GPHN: variants seen among roughly 807,000 people sequenced by gnomAD.
The protein encoded by GPHN is gephyrin.
Under a neutral mutation model 95.5 loss-of-function variants are expected in GPHN, and 17 were observed. The observed-to-expected ratio is 0.18, with a 90% CI of 0.12 to 0.27. GPHN has a LOEUF of 0.27. Ranked by LOEUF, GPHN falls within the 10% of genes least tolerant of loss-of-function variation. GPHN has a pLI of 1.00. For missense variants in GPHN, 660 were observed against 978.1 expected, an observed-to-expected ratio of 0.67 and a Z score of 4.34; for synonymous variants, 320 against 322.5, an observed-to-expected ratio of 0.99 and a Z score of 0.08.
chr14:67,238,276 T>C, the GPHN span, among the ~76,000 whole-genome samples: 3 of 150,628 alleles, frequency 2.0e-5, no homozygotes, highest in African/African-American at 7.3e-5. Context: ...TTTCTTTTTT[T>C]TTTTTTTTTT....
chr14:67,661,733 T>C, the GPHN span, among the ~76,000 whole-genome samples: 1 of 151,936 alleles, frequency 6.6e-6, no homozygotes, highest in Non-Finnish European at 1.5e-5. Flanking sequence ...GGGGTCTCCC[T>C]ATGTCGCCCA....
chr14:67,413,321 C>T, the GPHN span, among the ~76,000 whole-genome samples: 4 of 151,926 alleles, frequency 2.6e-5, no homozygotes, highest in African/African-American at 4.8e-5. Context: ...AGACTGGTCT[C>T]GAACTCCTGG....
chr14:67,152,694 C>T (rs1366828764), intron 18 of GPHN, among the ~76,000 whole-genome samples: 10 of 152,266 alleles, frequency 6.6e-5, no homozygotes, highest in Middle Eastern at 3.4e-3. Flanking sequence ...TGGCGGGGCG[C>T]GGTGGCTCAC....
At chr14:67,208,980 A>G in the GPHN span, among the ~76,000 whole-genome samples, 2 of 152,154 alleles carry the variant, frequency 1.3e-5, no homozygotes, top group African/African-American at 4.8e-5. Context: ...TTTATGATGT[A>G]CCATAAAAAA....
chr14:66,674,048 T>C (rs1005665299), intron 1 of GPHN, among the ~76,000 whole-genome samples: 1 of 152,078 alleles, frequency 6.6e-6, no homozygotes, highest in African/African-American at 2.4e-5. Flanking sequence ...ATTCTAGTCA[T>C]CCATATTTAT....
At chr14:67,651,963 T>TTAAG in the GPHN span, among the ~76,000 whole-genome samples, 1 of 152,216 alleles carries the variant, frequency 6.6e-6, no homozygotes, top group East Asian at 1.9e-4. Context: ...TTAAAAATTT[T>TTAAG]CCTATCTGTT....
In GPHN at chr14:67,086,609, G is replaced by A. The variant is rs190781873; in HGVS notation, c.1145-2374G>A. ...GGAGCCTGCAGTGAGCCGAGATTGCGCCACTGCACTCCAGCCTGGGCGACA... is the reference window on the plus strand; with the variant it reads ...GGAGCCTGCAGTGAGCCGAGATTGCACCACTGCACTCCAGCCTGGGCGACA... On this transcript the variant is annotated intron_variant, in intron 11 of 22. Transcript: ENST00000478722. Among the ~76,000 whole-genome samples the A allele has an allele frequency of 6.6e-3, 942 of 143,588 alleles. 11 individuals carry two copies. The highest frequency in any genetic ancestry group is 0.023 in the African/African-American group (878 of 38,452). The allele number at this position is 143,588 out of a possible 152,430, so 94.2% of individuals were successfully genotyped here.
At chr14:67,161,409 A>T (rs2081974482) in intron 19 of GPHN, among the ~76,000 whole-genome samples, 1 of 152,026 alleles carries the variant, frequency 6.6e-6, no homozygotes, top group Non-Finnish European at 1.5e-5. Flanking sequence ...GGCAGTACTA[A>T]TCTGATTAGG....
chr14:67,253,254 T>TGACG, the GPHN span, among the ~76,000 whole-genome samples: 1 of 152,228 alleles, frequency 6.6e-6, no homozygotes, highest in Non-Finnish European at 1.5e-5. Context: ...GGTGTTAGTA[T>TGACG]ATACATATTA....
At chr14:67,306,531 G>GTGTGTA in the GPHN span, among the ~76,000 whole-genome samples, 1,785 of 151,228 alleles carry the variant, frequency 0.012, 17 homozygotes, top group Non-Finnish European at 0.017. Context: ...GTGTGTGTGT[G>GTGTGTA]TGTGTTTGTG....
chr14:66,896,050 A>G (rs1371617992), intron 5 of GPHN, among the ~76,000 whole-genome samples: 1 of 152,094 alleles, frequency 6.6e-6, no homozygotes. Context: ...CTGCATCTTC[A>G]CGTGGTAGAA....
At chr14:67,058,031 CA>C (rs199903512) in intron 10 of GPHN, among the ~76,000 whole-genome samples, 21 of 150,916 alleles carry the variant, frequency 1.4e-4, no homozygotes, top group Admixed American at 7.2e-4. Flanking sequence ...CAGCCTATCA[CA>C]AAAAAAAACT....
At chr14:67,388,058 A>G in the GPHN span, among the ~76,000 whole-genome samples, 1 of 152,190 alleles carries the variant, frequency 6.6e-6, no homozygotes, top group South Asian at 2.1e-4. Flanking sequence ...CGCCAAGAAC[A>G]TACCCTTTGT....
At chr14:67,387,464 GAAAAAAGGGGGA>G in the GPHN span, 1 of 1,590,818 alleles carries the variant, frequency 6.3e-7, no homozygotes, top group Non-Finnish European at 8.5e-7. Flanking sequence ...CCCCTAGGCA[GAAAAAAGGGGGA>G]AAAAAATCAG....
chr14:66,545,993 A>AG (rs1384505983), intron 1 of GPHN, among the ~76,000 whole-genome samples: 1 of 139,782 alleles, frequency 7.2e-6, no homozygotes, highest in Non-Finnish European at 1.5e-5. Context: ...TTCGGGGGGG[A>AG]GGGGCTCCTC....
At chr14:67,639,552 T>C in the GPHN span, among the ~76,000 whole-genome samples, 1 of 151,908 alleles carries the variant, frequency 6.6e-6, no homozygotes, top group African/African-American at 2.4e-5. Context: ...AACCTAATGG[T>C]TGATGTGATT....
intron 1 of GPHN, among the ~76,000 whole-genome samples, chr14:66,642,559 G>GTGT (rs367597163): frequency 2.1e-5 from 3 of 139,898 alleles, no homozygotes; most frequent in African/African-American, 7.7e-5. Context: ...TTTGATTTTT[G>GTGT]TTTTTTTTTT....
At chr14:66,961,947 T>TATATATATATATATAC (rs1555452281) in intron 8 of GPHN, among the ~76,000 whole-genome samples, 3 of 75,120 alleles carry the variant, frequency 4.0e-5, no homozygotes, top group Non-Finnish European at 4.2e-5. Context: ...TATATATATA[T>TATATATATATATATAC]ACACATATCT....
intron 2 of GPHN, among the ~76,000 whole-genome samples, chr14:66,725,640 C>T (rs565908340): frequency 2.6e-5 from 4 of 152,200 alleles, no homozygotes; most frequent in Admixed American, 6.5e-5. Context: ...CACGCCACCA[C>T]GCCTGGCTAA....
Sources: gnomAD v4.1 joint callset for allele counts (sites outside exome capture counted in the v4.1 genomes callset) on GRCh38, gnomAD v4.1.1 for gene constraint, MANE v1.5 for transcripts, NCBI Gene and HGNC (gene_info 2026-07-23, HGNC 2026-07-21) for gene names.